Variants in RPS6KA2 observed in about 807,000 individuals in gnomAD.
The protein encoded by RPS6KA2 is ribosomal protein S6 kinase A2.
In RPS6KA2, 42 loss-of-function variants were observed where a neutral mutation model predicts 91.8. That is an observed-to-expected ratio of 0.46 (90% CI 0.36 to 0.59). RPS6KA2 has a LOEUF of 0.59. RPS6KA2 is among the 20% of genes least tolerant of loss of function. RPS6KA2 has a pLI of 0.00. For synonymous variants in RPS6KA2, 414 were observed against 393.6 expected, an observed-to-expected ratio of 1.05 and a Z score of -0.61; for missense variants, 798 against 978.5, an observed-to-expected ratio of 0.82 and a Z score of 2.46.
intron 1 of RPS6KA2, among the ~76,000 whole-genome samples, chr6:166,597,452 C>T (rs902747628): frequency 4.6e-5 from 7 of 152,114 alleles, no homozygotes; most frequent in Admixed American, 2.0e-4. Context: ...GGGAAAAGGA[C>T]GGCAGTGGAG....
chr6:166,757,603 C>T (rs534182655), intron 2 of RPS6KA2: 7 of 456,240 alleles, frequency 1.5e-5, no homozygotes, highest in South Asian at 4.6e-5. Flanking sequence ...TCCCGGGGGC[C>T]GGGCTCCCCT....
At chr6:166,425,409 C>T (rs968744425) in intron 16 of RPS6KA2, among the ~76,000 whole-genome samples, 4 of 151,144 alleles carry the variant, frequency 2.6e-5, no homozygotes, top group African/African-American at 9.7e-5. Flanking sequence ...GCAAAATAAC[C>T]AGCTAACATC....
chr6:166,501,778 C>T (rs1782039154), intron 6 of RPS6KA2, among the ~76,000 whole-genome samples: 1 of 152,170 alleles, frequency 6.6e-6, no homozygotes. Context: ...CCTGTTCTTC[C>T]AGATGCTGGG....
At chr6:166,589,894 G>A (rs930862712) in intron 1 of RPS6KA2, among the ~76,000 whole-genome samples, 12 of 152,126 alleles carry the variant, frequency 7.9e-5, no homozygotes, top group Non-Finnish European at 1.3e-4. Flanking sequence ...GGATCTTACC[G>A]GGAGACAAGA....
intron 2 of RPS6KA2, among the ~76,000 whole-genome samples, chr6:166,814,616 T>C (rs937335213): frequency 6.6e-6 from 1 of 151,914 alleles, no homozygotes; most frequent in Non-Finnish European, 1.5e-5. Context: ...ATTTCATCTG[T>C]ATTTACAGCC....
rs1362313262 is a variant in RPS6KA2, at chr6:166,648,160, CCATGCACACATGCTCACACA to C, written c.124-109396_124-109377del. ...TGCACACACGCACATGGTTACACAC[CCATGCACACATGCTCACACA>C]CATGCACACATGCTCATACACACAC... On this transcript the variant is annotated intron_variant, in intron 2 of 21. Transcript: ENST00000503859. The surrounding 1 kb of genome is among the most constrained non-coding windows in gnomAD (Gnocchi z 4.8). Among the ~76,000 whole-genome samples the C allele has an allele frequency of 1.1e-4, 9 of 79,526 alleles. No individual in the cohort carries two copies. Among genetic ancestry groups the C allele is most frequent in the African/African-American group, 2.3e-4 (4 of 17,554 alleles). 52.2% of individuals were successfully genotyped at this position (79,526 alleles called of 152,430 possible). A position where few individuals can be genotyped will look rare whatever the true frequency, so the allele number is the denominator to read the frequency against.
intron 2 of RPS6KA2, among the ~76,000 whole-genome samples, chr6:166,682,218 TGAG>T (rs1435117745): frequency 2.6e-5 from 4 of 152,236 alleles, no homozygotes; most frequent in African/African-American, 9.6e-5. Flanking sequence ...ATTAATGAAT[TGAG>T]GAACATAAAA....
At chr6:166,546,653 GA>G (rs1783837405) in intron 1 of RPS6KA2, among the ~76,000 whole-genome samples, 1 of 152,100 alleles carries the variant, frequency 6.6e-6, no homozygotes, top group Non-Finnish European at 1.5e-5. Flanking sequence ...GACCTATTGG[GA>G]TAAATTTCCT....
chr6:166,613,043 T>C (rs979007680), intron 1 of RPS6KA2, among the ~76,000 whole-genome samples: 1 of 152,240 alleles, frequency 6.6e-6, no homozygotes, highest in Non-Finnish European at 1.5e-5. Context: ...GGTGGACTTT[T>C]CAGGGCCTTT....
rs57711560 is a variant in RPS6KA2, at chr6:166,829,589, C to CAAAAAAAA, written c.123+28603_123+28610dup. Among the ~76,000 whole-genome samples the CAAAAAAAA allele has an allele frequency of 3.9e-4, 38 of 96,892 alleles. 2 individuals carry two copies. The highest frequency in any genetic ancestry group is 1.7e-3 in the African/African-American group (35 of 21,162). The allele number at this position is 96,892 out of a possible 152,430, so 63.6% of individuals were successfully genotyped here. A position where few individuals can be genotyped will look rare whatever the true frequency, so the allele number is the denominator to read the frequency against. ...TGGGCAACAGAGCGAGACTCTGTCTCAAAAAAAAAAAAAAAAAAAAAAAAA... is the reference window on the plus strand; with the variant it reads ...TGGGCAACAGAGCGAGACTCTGTCTCAAAAAAAAAAAAAAAAAAAAAAAAAAAAAAAAA... On this transcript the variant is annotated intron_variant, in intron 2 of 21. Transcript: ENST00000503859.
intron 1 of RPS6KA2, among the ~76,000 whole-genome samples, chr6:166,553,384 A>G (rs545395489): frequency 6.6e-6 from 1 of 151,258 alleles, no homozygotes; most frequent in Non-Finnish European, 1.5e-5. Flanking sequence ...ACGGACTCCC[A>G]AAATGCTGGG....
intron 2 of RPS6KA2, among the ~76,000 whole-genome samples, chr6:166,650,237 TC>T (rs1169157184): frequency 2.0e-5 from 3 of 151,512 alleles, no homozygotes; most frequent in Middle Eastern, 3.5e-3. Context: ...AGATAAGGCC[TC>T]CCCTGGGGTT....
intron 2 of RPS6KA2, among the ~76,000 whole-genome samples, chr6:166,676,926 T>C (rs1441703221): frequency 1.3e-5 from 2 of 152,230 alleles, no homozygotes; most frequent in Non-Finnish European, 2.9e-5. Flanking sequence ...AAACTGGAAC[T>C]GAGAAAGGAT....
chr6:166,601,530 T>C (rs1476815231), intron 1 of RPS6KA2, among the ~76,000 whole-genome samples: 1 of 152,220 alleles, frequency 6.6e-6, no homozygotes, highest in Non-Finnish European at 1.5e-5. Context: ...TTTAAACTGA[T>C]GGTTAATAGG....
intron 2 of RPS6KA2, among the ~76,000 whole-genome samples, chr6:166,636,508 T>G (rs1787245610): frequency 6.6e-6 from 1 of 152,254 alleles, no homozygotes; most frequent in Non-Finnish European, 1.5e-5. Flanking sequence ...TGATTCTTCT[T>G]CCTTTTCTCC....
chr6:166,543,654 C>T (rs1220321477), intron 1 of RPS6KA2, among the ~76,000 whole-genome samples: 5 of 152,202 alleles, frequency 3.3e-5, no homozygotes, highest in Non-Finnish European at 7.3e-5. Flanking sequence ...AGTCCCTGGC[C>T]TTTTGTCTCC....
intron 2 of RPS6KA2, among the ~76,000 whole-genome samples, chr6:166,695,682 C>T (rs367832205): frequency 1.3e-4 from 18 of 142,530 alleles, no homozygotes; most frequent in African/African-American, 4.6e-4. Flanking sequence ...CCTAGGAGCA[C>T]TGGATTCTCC....
chr6:166,657,916 C>A (rs777855640), intron 2 of RPS6KA2, among the ~76,000 whole-genome samples: 1 of 152,190 alleles, frequency 6.6e-6, no homozygotes, highest in Non-Finnish European at 1.5e-5. Flanking sequence ...CGGAGTCTCA[C>A]CCTGTCACCC....
At chr6:166,663,322 C>T (rs1157447893) in intron 2 of RPS6KA2, among the ~76,000 whole-genome samples, 4 of 152,102 alleles carry the variant, frequency 2.6e-5, no homozygotes, top group Admixed American at 2.0e-4. Flanking sequence ...AAGAGAGCTC[C>T]CAGGAGGGCA....
Sources: allele counts gnomAD v4.1 joint callset (sites outside exome capture counted in the v4.1 genomes callset), GRCh38; gene constraint gnomAD v4.1.1; non-coding constraint Gnocchi (gnomAD v3.1); transcripts MANE v1.5; gene names NCBI Gene and HGNC (gene_info 2026-07-23, HGNC 2026-07-21).